The following ZNF473 variants were observed in gnomAD, a reference collection of about 807,000 sequenced individuals.
The protein encoded by ZNF473 is zinc finger protein 473, also known as zinc finger protein 100 homolog.
A neutral mutation model predicts 11.1 loss-of-function variants in ZNF473; 4 were observed. The observed-to-expected ratio is 0.36, with a 90% confidence interval of 0.18 to 0.82. The LOEUF (loss-of-function observed/expected upper bound fraction) is 0.82, where lower values mean the gene tolerates loss of function less well. ZNF473 is among the 40% of genes least tolerant of loss of function. The probability of loss-of-function intolerance (pLI) is 0.49; values close to 1 mark genes in which losing one functional copy is unlikely to be tolerated. For synonymous variants in ZNF473, 404 were observed against 390.4 expected (o/e 1.03, Z -0.41); for missense variants, 854 against 1,084.0 (o/e 0.79, Z 2.98).
chr19:50,029,598 A>G (rs574980048), intron 1 of ZNF473, among the ~76,000 whole-genome samples: 1 of 152,330 alleles, frequency 6.6e-6, no homozygotes, highest in South Asian at 2.1e-4. Context: ...GTGATATGAA[A>G]TGCTTTCAGC....
rs192202219 is a variant in ZNF473, at chr19:50,028,114, C to T, written c.-192+1992C>T. 1.6e-3 allele frequency among the ~76,000 whole-genome samples: 248 copies of T among 152,034 alleles called. 7 individuals carry two copies. The highest frequency in any genetic ancestry group is 3.4e-3 in the Middle Eastern group (1 of 294). On this transcript the variant is annotated intron_variant, in intron 1 of 4. Coordinates refer to ENST00000270617, the MANE Select transcript of ZNF473 (RefSeq NM_015428.4). The stretch of plus-strand genomic sequence containing the variant: ...GAGATCGAGACCATCCTGGCTAACA[C>T]GGTGAAACTCCGTCTCTACTAAAAA...
In ZNF473 at chr19:50,048,440, C is replaced by CTG. The variant is rs1979265471; in HGVS notation, c.*1382_*1383dup. On this transcript the variant is annotated 3_prime_UTR_variant, in exon 5 of 5. Transcript: ENST00000270617. ...TTCAACTCTTGCACCTGGAGTTCTG[C>CTG]TGGTTAAGTTTGTTAAACTTAGTTG... 1 of 152,242 alleles carries CTG rather than the reference C, an allele frequency of 6.6e-6. No homozygotes were observed. Among genetic ancestry groups the CTG allele is most frequent in the Non-Finnish European group, 1.5e-5 (1 of 68,048 alleles). 9.4% of individuals were successfully genotyped at this position (152,242 alleles called of 1,614,324 possible).
chr19:50,047,373 CACCT>C lies in ZNF473; in HGVS notation c.*319_*322del. The C allele has an allele frequency of 3.4e-6, 1 of 291,138 alleles. No homozygotes were observed. 18.0% of individuals were successfully genotyped at this position (291,138 alleles called of 1,614,324 possible). On this transcript the variant is annotated 3_prime_UTR_variant, in exon 5 of 5. Coordinates refer to ENST00000270617, the MANE Select transcript of ZNF473 (RefSeq NM_015428.4). The stretch of plus-strand genomic sequence containing the variant: ...GTGTCCTTATCTGTAAAATGGGCAT[CACCT>C]ACCTCAGAGGGCTTTTCTGAGGATT...
At chr19:50,026,433 C>T (rs1254892494) in intron 1 of ZNF473, among the ~76,000 whole-genome samples, 2 of 151,948 alleles carry the variant, frequency 1.3e-5, no homozygotes, top group Non-Finnish European at 1.5e-5. Flanking sequence ...GGCCTGTAAT[C>T]CCAGCTACTC....
At chr19:50,029,624 G>A (rs572721002) in intron 1 of ZNF473, among the ~76,000 whole-genome samples, 1 of 152,338 alleles carries the variant, frequency 6.6e-6, no homozygotes, top group South Asian at 2.1e-4. Context: ...GCAGATATGT[G>A]CTACTTGGTC....
intron 4 of ZNF473, 73 bp downstream of exon 4, chr19:50,041,892 T>C: frequency 8.1e-7 from 1 of 1,235,084 alleles, no homozygotes; most frequent in African/African-American, 1.5e-5. Flanking sequence ...GCAGCCAGCT[T>C]TCCCACAGGT....
At chr19:50,031,652 G>A (rs1310253252) in intron 2 of ZNF473, among the ~76,000 whole-genome samples, 2 of 152,034 alleles carry the variant, frequency 1.3e-5, no homozygotes, top group Non-Finnish European at 2.9e-5. Context: ...GATCCACCTA[G>A]ATATGGATGT....
At chr19:50,029,450 A>C in intron 1 of ZNF473, among the ~76,000 whole-genome samples, 1 of 152,220 alleles carries the variant, frequency 6.6e-6, no homozygotes, top group East Asian at 1.9e-4. Flanking sequence ...CCAGCCCTGC[A>C]CTGGGATTTT....
At position 50,045,863 on chromosome 19, in the gene ZNF473, C is replaced by T. The variant is rs142522156; in HGVS notation, c.1420C>T (p.Leu474=). The T allele has an allele frequency of 3.7e-6, 6 of 1,614,152 alleles. No individual in the cohort carries two copies. The highest frequency in any genetic ancestry group is 5.1e-6 in the Non-Finnish European group (6 of 1,180,030). Residue 474 remains leucine (L), a synonymous_variant, in exon 5 of 5, where the codon CTG becomes TTG. Transcript: ENST00000270617. ...CAGGAGTTTCAGCCGGCCCTCACAT[C>T]TGATGCGACATCAGGCCATTCACAC... ...CVRSFSRPSH[L]MRHQAIHTAE...
intron 2 of ZNF473, among the ~76,000 whole-genome samples, chr19:50,036,207 G>C (rs966033261): frequency 1.1e-4 from 17 of 151,638 alleles, no homozygotes; most frequent in African/African-American, 3.9e-4. Flanking sequence ...CAGTCTGCCC[G>C]CCTCAGCCTC....
In ZNF473 at chr19:50,045,346, C is replaced by T; in HGVS notation, c.903C>T (p.Pro301=). The change falls in exon 5 of 5, where the codon CCC becomes CCT. Residue 301 remains proline (P), a synonymous_variant. Transcript: ENST00000270617. ...AGAGTCAAGATAGTGACCACCCACC[C>T]AGTCATGACACACAGCCTGGTGAGC... ...PCKSQDSDHP[P]SHDTQPGEHQ... 1.2e-6 allele frequency: 2 copies of T among 1,614,130 alleles called. No individual in the cohort carries two copies. Among genetic ancestry groups the T allele is most frequent in the Non-Finnish European group, 8.5e-7 (1 of 1,180,028 alleles).
At chr19:50,038,787 G>A (rs1325018192) in intron 2 of ZNF473, among the ~76,000 whole-genome samples, 1 of 152,186 alleles carries the variant, frequency 6.6e-6, no homozygotes, top group Non-Finnish European at 1.5e-5. Flanking sequence ...TGACCCCTGG[G>A]TGATGAGTTC....
At chr19:50,044,645 G>A in intron 4 of ZNF473, 25 bp from the exon 5 acceptor site, 16 of 1,563,756 alleles carry the variant, frequency 1.0e-5, no homozygotes, top group Non-Finnish European at 1.4e-5. Context: ...TAGTGAACAG[G>A]AGACATTTGC....
At chr19:50,030,640 T>C (rs772259747) in intron 1 of ZNF473, among the ~76,000 whole-genome samples, 1 of 152,216 alleles carries the variant, frequency 6.6e-6, no homozygotes, top group Non-Finnish European at 1.5e-5. Context: ...TGTAGGTACT[T>C]TTACACCTAC....
rs1399606111 is a variant in ZNF473 at position 50,026,087 on chromosome 19, GT to G, written c.-225del. On this transcript the variant is annotated 5_prime_UTR_variant, in exon 1 of 5. Coordinates refer to ENST00000270617, the MANE Select transcript of ZNF473 (RefSeq NM_015428.4). ...AATCTCCCGCTCCCTTGAGGCTGGG[GT>G]TGCGTCTGTTGACGCGGCCGACTAC... The G allele has an allele frequency of 1.3e-5, 2 of 152,696 alleles. No individual in the cohort carries two copies. The highest frequency in any genetic ancestry group is 1.3e-4 in the Admixed American group (2 of 15,284). The allele number at this position is 152,696 out of a possible 1,614,324, so 9.5% of individuals were successfully genotyped here. A position where few individuals can be genotyped will look rare whatever the true frequency, so the allele number is the denominator to read the frequency against.
chr19:50,038,178 T>A (rs1417918270), intron 2 of ZNF473, among the ~76,000 whole-genome samples: 1 of 146,198 alleles, frequency 6.8e-6, no homozygotes, highest in African/African-American at 2.5e-5. Flanking sequence ...AAATTATAAT[T>A]TTATAAATTT....
chr19:50,035,124 T>C (rs2122816765), intron 2 of ZNF473, among the ~76,000 whole-genome samples: 1 of 152,136 alleles, frequency 6.6e-6, no homozygotes, highest in South Asian at 2.1e-4. Flanking sequence ...AAACCCCATC[T>C]CTACAAAAAA....
intron 4 of ZNF473, among the ~76,000 whole-genome samples, chr19:50,044,082 C>T (rs896394035): frequency 2.0e-5 from 3 of 152,058 alleles, no homozygotes; most frequent in African/African-American, 7.2e-5. Flanking sequence ...CTACAAAGCC[C>T]TTTAGGGCTA....
At position 50,048,713 on chromosome 19, in the gene ZNF473, AG is replaced by A. The variant is rs1979282805; in HGVS notation, c.*1656del. On this transcript the variant is annotated 3_prime_UTR_variant, in exon 5 of 5. Transcript: ENST00000270617. ...CAGTCACCTGTGTTGCTGCAGGCCA[AG>A]GTAGAAACGCCCTCCGTGTGTGCAT... 6.6e-6 allele frequency: 1 copy of A among 152,276 alleles called. No individual in the cohort carries two copies. Among genetic ancestry groups the A allele is most frequent in the African/African-American group, 2.4e-5 (1 of 41,454 alleles). The allele number at this position is 152,276 out of a possible 1,614,324, so 9.4% of individuals were successfully genotyped here.
Sources: allele counts gnomAD v4.1 joint callset (sites outside exome capture counted in the v4.1 genomes callset), GRCh38; gene constraint gnomAD v4.1.1; transcripts MANE v1.5; gene names NCBI Gene and HGNC (gene_info 2026-07-23, HGNC 2026-07-21).